XPO4: variants seen among roughly 807,000 people sequenced by gnomAD.
XPO4 encodes exportin 4.
A neutral mutation model predicts 143.0 loss-of-function variants in XPO4; 39 were observed. The observed-to-expected ratio is 0.27, with a 90% CI of 0.21 to 0.36. The LOEUF (loss-of-function observed/expected upper bound fraction) is 0.36. Ranked by LOEUF, XPO4 falls within the 10% of genes least tolerant of loss-of-function variation. The pLI is 1.00. For synonymous variants in XPO4, 439 were observed against 474.0 expected (o/e 0.93, Z 0.96); for missense variants, 907 against 1,348.0 (o/e 0.67, Z 5.12).
At chr13:20,839,756 G>A (rs2138048994) in intron 6 of XPO4, among the ~76,000 whole-genome samples, 2 of 152,290 alleles carry the variant, frequency 1.3e-5, no homozygotes, top group South Asian at 4.1e-4. Flanking sequence ...GCCAAGGTGG[G>A]TGGATCAACC....
chr13:20,899,650 T>C (rs2060602240), intron 1 of XPO4, among the ~76,000 whole-genome samples: 1 of 152,246 alleles, frequency 6.6e-6, no homozygotes. Context: ...CTAAGACTTC[T>C]GTACCAAAAG....
chr13:20,874,461 G>C (rs1315249910), intron 1 of XPO4, among the ~76,000 whole-genome samples: 1 of 152,116 alleles, frequency 6.6e-6, no homozygotes, highest in Non-Finnish European at 1.5e-5. Context: ...TGGGAGATGG[G>C]GCCACGATTA....
intron 6 of XPO4, among the ~76,000 whole-genome samples, chr13:20,839,739 T>C (rs914016204): frequency 7.9e-4 from 121 of 152,224 alleles, no homozygotes; most frequent in African/African-American, 2.7e-3. Flanking sequence ...TCCCAACACT[T>C]TGGCAGGCCA....
chr13:20,837,338 T>C (rs1809927153), intron 6 of XPO4, among the ~76,000 whole-genome samples: 1 of 152,186 alleles, frequency 6.6e-6, no homozygotes, highest in Non-Finnish European at 1.5e-5. Context: ...GTCCCAAGTA[T>C]ACAAAATTGT....
chr13:20,787,156 T>C, intron 21 of XPO4, 99 bp from the exon 22 acceptor site: 1 of 1,015,734 alleles, frequency 9.8e-7, no homozygotes, highest in East Asian at 2.6e-5. Flanking sequence ...TTGGTTGTTA[T>C]TCTATTTATT....
chr13:20,888,011 C>A (rs558036857), intron 1 of XPO4, among the ~76,000 whole-genome samples: 1 of 150,948 alleles, frequency 6.6e-6, no homozygotes, highest in African/African-American at 2.4e-5. Context: ...CCTGTCTCTA[C>A]GAAAAATAGA....
chr13:20,847,147 C>CA, intron 4 of XPO4, among the ~76,000 whole-genome samples: 1 of 152,138 alleles, frequency 6.6e-6, no homozygotes, highest in South Asian at 2.1e-4. Flanking sequence ...TCAAAGGTGC[C>CA]AAATGAATAG....
intron 6 of XPO4, among the ~76,000 whole-genome samples, chr13:20,832,820 TA>T (rs2059869527): frequency 6.6e-6 from 1 of 152,084 alleles, no homozygotes; most frequent in Non-Finnish European, 1.5e-5. Context: ...CTCCAAATAG[TA>T]AAGGTTGGCT....
intron 1 of XPO4, chr13:20,902,137 G>A (rs553817404): frequency 1.0e-6 from 1 of 985,248 alleles, no homozygotes. Context: ...CCTCCAGCCG[G>A]CCCGGCCCTT....
At position 20,783,090 on chromosome 13, in the gene XPO4, T is replaced by C. The variant is rs1267168757; in HGVS notation, c.*632A>G. On this transcript the variant is annotated 3_prime_UTR_variant, in exon 23 of 23. Transcript: ENST00000255305. ...GATGTTTCCCCTTCCTGCTGAATTA[T>C]AAAACCCAATCATCAAAGGGAGGAA... 1 of 152,232 alleles carries C rather than the reference T, an allele frequency of 6.6e-6. No homozygotes were observed. The highest frequency in any genetic ancestry group is 1.5e-5 in the Non-Finnish European group (1 of 68,046). The allele number at this position is 152,232 out of a possible 1,614,324, so 9.4% of individuals were successfully genotyped here. A position where few individuals can be genotyped will look rare whatever the true frequency, so the allele number is the denominator to read the frequency against.
chr13:20,866,046 T>C, intron 2 of XPO4: 1 of 985,402 alleles, frequency 1.0e-6, no homozygotes, highest in South Asian at 4.7e-5. Context: ...CAAAGTTAGC[T>C]CCAGAAGAAG....
chr13:20,849,511 G>T (rs999318416), intron 4 of XPO4: 1 of 985,276 alleles, frequency 1.0e-6, no homozygotes. Flanking sequence ...TTCCTAGGAA[G>T]GCAAGTTTCC....
chr13:20,809,701 C>G, intron 10 of XPO4, 90 bp downstream of exon 10: 1 of 1,385,220 alleles, frequency 7.2e-7, no homozygotes, highest in East Asian at 2.4e-5. Context: ...GGAACCCATC[C>G]TAAATTTCTG....
At chr13:20,819,444 G>A (rs923874868) in intron 9 of XPO4, among the ~76,000 whole-genome samples, 7 of 152,088 alleles carry the variant, frequency 4.6e-5, no homozygotes, top group Non-Finnish European at 7.4e-5. Context: ...GGTGGACTGC[G>A]AGGTCAGGAG....
chr13:20,808,842 T>TA, intron 11 of XPO4, among the ~76,000 whole-genome samples: 1 of 152,358 alleles, frequency 6.6e-6, no homozygotes, highest in East Asian at 1.9e-4. Flanking sequence ...TTTTTACTGA[T>TA]ATGGGTCAAA....
At position 20,856,997 on chromosome 13, in the gene XPO4, T is replaced by C. The variant is rs145606725; in HGVS notation, c.318-1232A>G. 2,196 of 535,426 alleles carry C rather than the reference T, an allele frequency of 4.1e-3. 9 individuals carry two copies. The highest frequency in any genetic ancestry group is 4.9e-3 in the Non-Finnish European group (2,034 of 418,792). 33.2% of individuals were successfully genotyped at this position (535,426 alleles called of 1,614,324 possible). ...AAAGCACACTACCTGCTGCATAACA[T>C]GCATTTATTAGATATTTATACAGAT... On this transcript the variant is annotated intron_variant, in intron 3 of 22. Transcript: ENST00000255305.
intron 2 of XPO4, chr13:20,865,706 G>T (rs567626942): frequency 5.9e-6 from 3 of 506,398 alleles, no homozygotes; most frequent in Admixed American, 6.4e-5. Flanking sequence ...AAAAAACCCC[G>T]GTAGTGAAGC....
intron 11 of XPO4, 28 bp downstream of exon 11, chr13:20,809,055 C>A: frequency 1.9e-6 from 3 of 1,602,748 alleles, no homozygotes; most frequent in Non-Finnish European, 2.6e-6. Context: ...AATATTTGCT[C>A]CATGGGGTTT....
intron 1 of XPO4, among the ~76,000 whole-genome samples, chr13:20,900,894 G>A (rs757012287): frequency 1.8e-4 from 28 of 152,158 alleles, no homozygotes; most frequent in Admixed American, 1.2e-3. Flanking sequence ...TTACAGGAAT[G>A]AGCCACCGCA....
Sources: allele counts gnomAD v4.1 joint callset (sites outside exome capture counted in the v4.1 genomes callset), GRCh38; gene constraint gnomAD v4.1.1; transcripts MANE v1.5; gene names NCBI Gene and HGNC (gene_info 2026-07-23, HGNC 2026-07-21).